The following KCNK13 variants were observed in gnomAD, a reference collection of about 807,000 sequenced individuals.
The protein encoded by KCNK13 is potassium channel subfamily K member 13.
Under a neutral mutation model 23.4 loss-of-function variants are expected in KCNK13, and 12 were observed. The observed-to-expected ratio is 0.51, with a 90% CI of 0.33 to 0.83. KCNK13 has a LOEUF of 0.83. Ranked by LOEUF, KCNK13 falls within the 40% of genes least tolerant of loss-of-function variation. The pLI is 0.02. For synonymous variants in KCNK13, 231 were observed against 229.5 expected (o/e 1.01, Z -0.06); for missense variants, 463 against 556.3 (o/e 0.83, Z 1.69).
intron 1 of KCNK13, among the ~76,000 whole-genome samples, chr14:90,180,355 C>T (rs992407797): frequency 1.3e-5 from 2 of 152,150 alleles, no homozygotes; most frequent in African/African-American, 4.8e-5. Flanking sequence ...TCTGAGCCAT[C>T]TTCAACTCTC....
At chr14:90,068,972 G>A (rs1889040790) in intron 1 of KCNK13, among the ~76,000 whole-genome samples, 1 of 151,170 alleles carries the variant, frequency 6.6e-6, no homozygotes, top group African/African-American at 2.4e-5. Flanking sequence ...GAGATGCTCA[G>A]ATGGAGAGGC....
chr14:90,125,458 C>T (rs537591399), intron 1 of KCNK13, among the ~76,000 whole-genome samples: 28 of 152,046 alleles, frequency 1.8e-4, no homozygotes, highest in Non-Finnish European at 2.5e-4. Flanking sequence ...CTTCTGACCT[C>T]GTGAATTGCC....
intron 1 of KCNK13, among the ~76,000 whole-genome samples, chr14:90,112,318 C>T (rs995505142): frequency 2.6e-5 from 4 of 152,300 alleles, no homozygotes; most frequent in South Asian, 2.1e-4. Flanking sequence ...TCACTTGACT[C>T]ATCATCTATT....
chr14:90,175,181 T>G (rs1206953658), intron 1 of KCNK13, among the ~76,000 whole-genome samples: 3 of 152,220 alleles, frequency 2.0e-5, no homozygotes, highest in Non-Finnish European at 2.9e-5. Flanking sequence ...TACTCCCTTC[T>G]TGGTCATCAA....
At chr14:90,099,164 G>T (rs1889446615) in intron 1 of KCNK13, among the ~76,000 whole-genome samples, 1 of 152,166 alleles carries the variant, frequency 6.6e-6, no homozygotes, top group South Asian at 2.1e-4. Context: ...AACACTGTGT[G>T]TATGGTTGTA....
chr14:90,184,748 C>T lies in KCNK13; in HGVS notation c.972C>T (p.Asn324=), dbSNP rs201290964. Residue 324 remains asparagine, a synonymous_variant, in exon 2 of 2, where the codon AAC becomes AAT. Transcript: ENST00000282146. The surrounding 1 kb of genome is among the most constrained non-coding windows in gnomAD (Gnocchi z 5.6). ...CAGGCAGCGTCCGGAACCGCTGCAA[C>T]ATCTCCATAGAGACAGACGGGGTGG... is the stretch of plus-strand genomic sequence containing the variant. ...VMPGSVRNRC[N]ISIETDGVAE... is the part of the protein sequence containing the mutation. 1.9e-6 allele frequency: 3 copies of T among 1,614,192 alleles called. No individual in the cohort carries two copies. In the East Asian group the frequency reaches 6.7e-5, roughly 36 times the overall value.
chr14:90,142,441 C>T (rs533092766), intron 1 of KCNK13, among the ~76,000 whole-genome samples: 2 of 151,102 alleles, frequency 1.3e-5, no homozygotes, highest in African/African-American at 4.9e-5. Context: ...GCCTCAGCCT[C>T]CCAAGTAGCT....
chr14:90,161,579 T>G (rs1425042273), intron 1 of KCNK13, among the ~76,000 whole-genome samples: 5 of 152,204 alleles, frequency 3.3e-5, no homozygotes, highest in Non-Finnish European at 7.3e-5. Flanking sequence ...TTGTGCAGAA[T>G]TCATATGAAG....
intron 1 of KCNK13, among the ~76,000 whole-genome samples, chr14:90,095,501 A>AT (rs57559667): frequency 0.22 from 33,459 of 150,456 alleles, 3,731 homozygotes; most frequent in Middle Eastern, 0.27. Flanking sequence ...CAGCTATCTT[A>AT]TTTTTTTTTC....
chr14:90,138,955 C>A (rs1228973658), intron 1 of KCNK13, among the ~76,000 whole-genome samples: 1 of 152,110 alleles, frequency 6.6e-6, no homozygotes, highest in Non-Finnish European at 1.5e-5. Flanking sequence ...CAGGCAGTGT[C>A]TAGAAGGCAA....
chr14:90,167,974 T>G (rs1890322911), intron 1 of KCNK13, among the ~76,000 whole-genome samples: 1 of 152,180 alleles, frequency 6.6e-6, no homozygotes, highest in South Asian at 2.1e-4. Context: ...AGCAACTATT[T>G]TCCTGTCGGC....
At chr14:90,157,330 G>A (rs182933370) in intron 1 of KCNK13, among the ~76,000 whole-genome samples, 11 of 152,154 alleles carry the variant, frequency 7.2e-5, no homozygotes, top group East Asian at 3.9e-4. Context: ...TTTTCATCCC[G>A]TTAGAGTCAT....
chr14:90,103,850 A>G (rs1265710611), intron 1 of KCNK13, among the ~76,000 whole-genome samples: 1 of 152,142 alleles, frequency 6.6e-6, no homozygotes, highest in African/African-American at 2.4e-5. Context: ...GGCGTGAGTC[A>G]CTGCACCAGG....
At chr14:90,073,154 G>A (rs139031136) in intron 1 of KCNK13, among the ~76,000 whole-genome samples, 5 of 152,266 alleles carry the variant, frequency 3.3e-5, no homozygotes, top group East Asian at 1.9e-4. Context: ...AAGTGACCAC[G>A]TGTGGTCTCT....
intron 1 of KCNK13, among the ~76,000 whole-genome samples, chr14:90,132,738 T>C (rs1308369787): frequency 6.6e-6 from 1 of 152,138 alleles, no homozygotes; most frequent in African/African-American, 2.4e-5. Flanking sequence ...TAAAAGTAGA[T>C]AAGATGGTAA....
intron 1 of KCNK13, among the ~76,000 whole-genome samples, chr14:90,156,936 T>C (rs1427764453): frequency 1.3e-5 from 2 of 152,206 alleles, no homozygotes; most frequent in Admixed American, 1.3e-4. Flanking sequence ...CCAGTGGTTA[T>C]ACTTTCTCGT....
In KCNK13 at chr14:90,184,037, C is replaced by A; in HGVS notation, c.335-74C>A. The stretch of plus-strand genomic sequence containing the variant: ...AACTCTCTTTAGGTCCTTTGCCAGC[C>A]ATCAAAGCCAAGACCTAGACCCCAT... On this transcript the variant is annotated intron_variant, in intron 1 of 1. Transcript: ENST00000282146. The surrounding 1 kb of genome is among the most constrained non-coding windows in gnomAD (Gnocchi z 5.6). The A allele has an allele frequency of 7.5e-7, 1 of 1,335,810 alleles. No homozygotes were observed. Among genetic ancestry groups the A allele is most frequent in the Non-Finnish European group, 1.0e-6 (1 of 963,912 alleles). 82.7% of individuals were successfully genotyped at this position (1,335,810 alleles called of 1,614,324 possible).
Position 90,184,523 on chromosome 14 carries a change from C to A in KCNK13, c.747C>A (p.Ala249=). 6.2e-7 allele frequency: 1 copy of A among 1,614,262 alleles called. No individual in the cohort carries two copies. Among genetic ancestry groups the A allele is most frequent in the Non-Finnish European group, 8.5e-7 (1 of 1,180,048 alleles). The change falls in exon 2 of 2, where the codon GCC becomes GCA. Residue 249 remains alanine (A), a synonymous_variant. Transcript: ENST00000282146. The surrounding 1 kb of genome is among the most constrained non-coding windows in gnomAD (Gnocchi z 5.6). ...GFGDLVSSQN[A]HYESQGLYRF... is the part of the protein sequence containing the mutation. The stretch of plus-strand genomic sequence containing the variant: ...GGGACCTGGTCAGCAGCCAGAACGC[C>A]CACTATGAGAGCCAAGGCCTCTATC...
chr14:90,130,478 G>A (rs979582209), intron 1 of KCNK13, among the ~76,000 whole-genome samples: 1 of 151,750 alleles, frequency 6.6e-6, no homozygotes, highest in Non-Finnish European at 1.5e-5. Context: ...GGGATTACAG[G>A]CATGAACCAC....
Sources: allele counts gnomAD v4.1 joint callset (sites outside exome capture counted in the v4.1 genomes callset), GRCh38; gene constraint gnomAD v4.1.1; non-coding constraint Gnocchi (gnomAD v3.1); transcripts MANE v1.5; gene names NCBI Gene and HGNC (gene_info 2026-07-23, HGNC 2026-07-21).